Variants in ITGA9 observed in about 807,000 individuals in gnomAD.
ITGA9 encodes the protein integrin subunit alpha 9.
ITGA9 carries 56 observed loss-of-function variants against 127.8 expected under a neutral mutation model. That is an observed-to-expected ratio of 0.44 (90% CI 0.35 to 0.55). The LOEUF (loss-of-function observed/expected upper bound fraction) is 0.55. Ranked by LOEUF, ITGA9 falls within the 20% of genes least tolerant of loss-of-function variation. The pLI is 0.00. For missense variants in ITGA9, 1,196 were observed against 1,347.1 expected (o/e 0.89, Z 1.76); for synonymous variants, 508 against 514.5 (o/e 0.99, Z 0.17).
chr3:37,464,786 G>A (rs544662825), intron 1 of ITGA9, among the ~76,000 whole-genome samples: 40 of 152,326 alleles, frequency 2.6e-4, no homozygotes, highest in Non-Finnish European at 3.5e-4. Flanking sequence ...TATAAGAAGA[G>A]CTTATGAGGC....
chr3:37,589,305 A>G (rs1699789651), intron 15 of ITGA9, among the ~76,000 whole-genome samples: 1 of 152,126 alleles, frequency 6.6e-6, no homozygotes, highest in East Asian at 1.9e-4. Flanking sequence ...TGATTCACCC[A>G]CTCAAATATT....
chr3:37,672,180 G>T (rs913528276), intron 17 of ITGA9, among the ~76,000 whole-genome samples: 13 of 152,148 alleles, frequency 8.5e-5, no homozygotes, highest in Non-Finnish European at 1.9e-4. Context: ...AAGCTGAGTG[G>T]TGCCAAGGTA....
At chr3:37,792,332 C>T (rs951003354) in intron 26 of ITGA9, among the ~76,000 whole-genome samples, 6 of 152,130 alleles carry the variant, frequency 3.9e-5, no homozygotes, top group Non-Finnish European at 7.4e-5. Context: ...CAGAGCTGGC[C>T]GAGGGGGCAG....
At chr3:37,789,670 G>A (rs559831001) in intron 26 of ITGA9, among the ~76,000 whole-genome samples, 1 of 147,036 alleles carries the variant, frequency 6.8e-6, no homozygotes, top group South Asian at 2.2e-4. Flanking sequence ...TCGGGAGGCT[G>A]AGACAGGAGA....
At chr3:37,697,253 C>T (rs1054162345) in intron 18 of ITGA9, among the ~76,000 whole-genome samples, 5 of 151,890 alleles carry the variant, frequency 3.3e-5, no homozygotes, top group Non-Finnish European at 5.9e-5. Context: ...AGTCATTTTT[C>T]AGTCTTCTTT....
chr3:37,700,331 A>G (rs1048351875), intron 18 of ITGA9, among the ~76,000 whole-genome samples: 4 of 151,694 alleles, frequency 2.6e-5, no homozygotes, highest in Non-Finnish European at 4.4e-5. Context: ...TCCTACCGGA[A>G]TTAGGTTAGG....
rs1575256224 is a variant in ITGA9, at chr3:37,823,189, A to T, written c.*4200A>T. 6.6e-6 allele frequency: 1 copy of T among 152,198 alleles called. No individual in the cohort carries two copies. The highest frequency in any genetic ancestry group is 2.1e-4 in the South Asian group (1 of 4,832). 9.4% of individuals were successfully genotyped at this position (152,198 alleles called of 1,614,324 possible). ...TATAGCACAATGATCTAGATTTCAG[A>T]CTGTGTTAAGGTTTTTTCTTTGTTG... is the stretch of plus-strand genomic sequence containing the variant. On this transcript the variant is annotated 3_prime_UTR_variant, in exon 28 of 28. Coordinates refer to ENST00000264741, the MANE Select transcript of ITGA9 (RefSeq NM_002207.3).
rs184185998 is a variant in ITGA9, at chr3:37,533,580, G to A, written c.1528+112G>A. The A allele has an allele frequency of 5.9e-3, 6,184 of 1,044,250 alleles. 29 individuals carry two copies. Among genetic ancestry groups the A allele is most frequent in the Non-Finnish European group, 7.4e-3 (5,167 of 699,008 alleles). The allele number at this position is 1,044,250 out of a possible 1,614,324, so 64.7% of individuals were successfully genotyped here. On this transcript the variant is annotated intron_variant, in intron 14 of 27. Coordinates refer to ENST00000264741, the MANE Select transcript of ITGA9 (RefSeq NM_002207.3). ...CTCCCAGCTGGTTTTGCAGGCAGCA[G>A]GCACACAGGCTGGACATCCTTTCCC...
At position 37,806,792 on chromosome 3, in the gene ITGA9, G is replaced by C. The variant is rs1697304371; in HGVS notation, c.3009+2850G>C. 6.6e-6 allele frequency: 1 copy of C among 152,280 alleles called. No individual in the cohort carries two copies. The allele number at this position is 152,280 out of a possible 1,614,324, so 9.4% of individuals were successfully genotyped here. ...GTGGCAGGAAAGCTTTGAGGAGGCT[G>C]TTGAATGAGGCCACCTGGGTCACAA... On this transcript the variant is annotated intron_variant, in intron 27 of 27. Transcript: ENST00000264741. This position sits in a 1 kb window ranked among gnomAD's most constrained non-coding sequence, Gnocchi z 4.3.
At chr3:37,771,987 GGTGATAAGCAGATGTCTGCAGCTGT>G (rs1393107457) in intron 23 of ITGA9, among the ~76,000 whole-genome samples, 1 of 152,190 alleles carries the variant, frequency 6.6e-6, no homozygotes, top group African/African-American at 2.4e-5. Context: ...GCAGGAAAGT[GGTGATAAGCAGATGTCTGCAGCTGT>G]GTGACGTGTG....
chr3:37,804,468 C>T (rs1697270305), intron 27 of ITGA9, among the ~76,000 whole-genome samples: 1 of 152,204 alleles, frequency 6.6e-6, no homozygotes, highest in South Asian at 2.1e-4. Flanking sequence ...CTGCCTCAAG[C>T]ATCACTCTCT....
At chr3:37,665,699 C>T (rs1359547423) in intron 17 of ITGA9, among the ~76,000 whole-genome samples, 1 of 152,130 alleles carries the variant, frequency 6.6e-6, no homozygotes, top group Non-Finnish European at 1.5e-5. Flanking sequence ...AAGCAATCCA[C>T]CTGCCTTGGC....
At chr3:37,817,327 G>T (rs1697447691) in intron 27 of ITGA9, among the ~76,000 whole-genome samples, 1 of 152,212 alleles carries the variant, frequency 6.6e-6, no homozygotes, top group African/African-American at 2.4e-5. Flanking sequence ...ACCACAACCT[G>T]CAGTGTGGCA....
intron 15 of ITGA9, among the ~76,000 whole-genome samples, chr3:37,596,412 G>A (rs1459168557): frequency 6.6e-6 from 1 of 152,124 alleles, no homozygotes; most frequent in South Asian, 2.1e-4. Context: ...GGTGTTTTCC[G>A]ACCTGAGCCC....
rs1696932655 is a variant in ITGA9 at position 37,778,386 on chromosome 3, AG to A, written c.2667+874del. On this transcript the variant is annotated intron_variant, in intron 24 of 27. Coordinates refer to ENST00000264741, the MANE Select transcript of ITGA9 (RefSeq NM_002207.3). ...GTAATACCAGCACTTAGGGAGGCTG[AG>A]GGGGTGGATCACCTGAGGTCAGGAG... Among the ~76,000 whole-genome samples the A allele has an allele frequency of 2.6e-5, 4 of 152,154 alleles. No individual in the cohort carries two copies. In the South Asian group the frequency reaches 8.3e-4, roughly 32 times the overall value.
At chr3:37,675,118 T>G (rs1250159011) in intron 17 of ITGA9, among the ~76,000 whole-genome samples, 1 of 152,186 alleles carries the variant, frequency 6.6e-6, no homozygotes, top group Non-Finnish European at 1.5e-5. Context: ...CAGCTACTAG[T>G]AACTATATCT....
chr3:37,498,338 A>T (rs1161422225), intron 5 of ITGA9, among the ~76,000 whole-genome samples: 5 of 152,124 alleles, frequency 3.3e-5, no homozygotes, highest in Non-Finnish European at 7.3e-5. Context: ...AGGAGAAGCT[A>T]GATTGATGGG....
At chr3:37,475,043 C>T (rs908106153) in intron 3 of ITGA9, among the ~76,000 whole-genome samples, 1 of 152,254 alleles carries the variant, frequency 6.6e-6, no homozygotes, top group Admixed American at 6.5e-5. Flanking sequence ...AGGTCCTGCA[C>T]AGGCTCCCTG....
intron 18 of ITGA9, among the ~76,000 whole-genome samples, chr3:37,710,124 C>T (rs1433463667): frequency 6.6e-6 from 1 of 152,144 alleles, no homozygotes; most frequent in Non-Finnish European, 1.5e-5. Context: ...AACACAGGAG[C>T]TGTATTGGCC....
Sources: allele counts gnomAD v4.1 joint callset (sites outside exome capture counted in the v4.1 genomes callset), GRCh38; gene constraint gnomAD v4.1.1; non-coding constraint Gnocchi (gnomAD v3.1); transcripts MANE v1.5; gene names NCBI Gene and HGNC (gene_info 2026-07-23, HGNC 2026-07-21).